The following DENND5B variants were observed in gnomAD, a reference collection of about 807,000 sequenced individuals.
The protein encoded by DENND5B is DENN domain-containing protein 5B.
In DENND5B, 34 loss-of-function variants were observed where a neutral mutation model predicts 140.6. The observed-to-expected ratio is 0.24, with a 90% CI of 0.18 to 0.32. DENND5B has a LOEUF of 0.32. DENND5B is among the 10% of genes least tolerant of loss of function. The probability of loss-of-function intolerance (pLI) is 1.00; values close to 1 mark genes in which losing one functional copy is unlikely to be tolerated. For missense variants in DENND5B, 1,142 were observed against 1,560.2 expected (o/e 0.73, Z 4.52); for synonymous variants, 551 against 562.1 (o/e 0.98, Z 0.28).
At chr12:31,394,653 A>G (rs7134365) in intron 17 of DENND5B, among the ~76,000 whole-genome samples, 86,214 of 147,882 alleles carry the variant, frequency 0.58, 25,317 homozygotes, top group East Asian at 0.82. Flanking sequence ...TCGCTCTGTC[A>G]CCCAGGCTGG....
chr12:31,493,795 C>T (rs955469343), intron 2 of DENND5B, among the ~76,000 whole-genome samples: 2 of 152,206 alleles, frequency 1.3e-5, no homozygotes, highest in African/African-American at 4.8e-5. Flanking sequence ...TGTGCCACTG[C>T]ACTCCAGCCT....
chr12:31,395,426 T>C (rs1193367490), intron 17 of DENND5B, among the ~76,000 whole-genome samples: 1 of 152,160 alleles, frequency 6.6e-6, no homozygotes, highest in Non-Finnish European at 1.5e-5. Flanking sequence ...AAACCCCGTC[T>C]CTACCCAAAA....
intron 1 of DENND5B, among the ~76,000 whole-genome samples, chr12:31,542,902 G>A (rs779812552): frequency 1.3e-5 from 2 of 152,160 alleles, no homozygotes; most frequent in Non-Finnish European, 2.9e-5. Context: ...GTTGCAGGGA[G>A]CCAAGACTGT....
chr12:31,562,869 T>C (rs1048425397), intron 1 of DENND5B, among the ~76,000 whole-genome samples: 7 of 152,082 alleles, frequency 4.6e-5, no homozygotes, highest in African/African-American at 1.7e-4. Context: ...CAAAACCAGG[T>C]GACTTGTACA....
intron 1 of DENND5B, among the ~76,000 whole-genome samples, chr12:31,510,811 A>G (rs1947381376): frequency 6.6e-6 from 1 of 152,198 alleles, no homozygotes; most frequent in South Asian, 2.1e-4. Flanking sequence ...AAAATTCCTT[A>G]ACAGCAGAAC....
At chr12:31,479,536 T>C (rs1945974044) in intron 3 of DENND5B, 53 bp downstream of exon 3, 6 of 1,418,988 alleles carry the variant, frequency 4.2e-6, no homozygotes, top group African/African-American at 2.9e-5. Flanking sequence ...AACACAGTAG[T>C]TGGGAGCAAA....
intron 1 of DENND5B, among the ~76,000 whole-genome samples, chr12:31,541,674 T>A (rs1948684397): frequency 6.6e-6 from 1 of 152,222 alleles, no homozygotes. Flanking sequence ...AGCTACCATA[T>A]GATCCAGTGA....
intron 7 of DENND5B, among the ~76,000 whole-genome samples, chr12:31,436,840 C>T (rs1326436782): frequency 6.6e-6 from 1 of 152,044 alleles, no homozygotes; most frequent in Non-Finnish European, 1.5e-5. Context: ...CGACCCAGCT[C>T]CTGCAATTTT....
intron 1 of DENND5B, among the ~76,000 whole-genome samples, chr12:31,550,724 CT>C (rs1592030343): frequency 1.3e-5 from 2 of 152,258 alleles, no homozygotes; most frequent in East Asian, 3.9e-4. Context: ...TCTCCAGCAC[CT>C]GTTGTTTCCT....
chr12:31,441,491 G>GT (rs367859536), intron 7 of DENND5B, among the ~76,000 whole-genome samples: 1,778 of 144,394 alleles, frequency 0.012, 19 homozygotes, highest in East Asian at 0.034. Flanking sequence ...CCTGGCCCAA[G>GT]TTTTTTTTTT....
chr12:31,467,115 AGAT>A (rs1349989402), intron 3 of DENND5B, among the ~76,000 whole-genome samples: 1 of 151,440 alleles, frequency 6.6e-6, no homozygotes, highest in African/African-American at 2.4e-5. Flanking sequence ...GAACTATTTA[AGAT>A]GATAGAATAT....
chr12:31,535,955 C>T (rs1272773), intron 1 of DENND5B, among the ~76,000 whole-genome samples: 124,205 of 152,108 alleles, frequency 0.82, 51,043 homozygotes, highest in African/African-American at 0.9. Context: ...TGGTCCTTGA[C>T]GAATGGTTTA....
At position 31,415,354 on chromosome 12, in the gene DENND5B, T is replaced by C. The variant is rs1441186707; in HGVS notation, c.2552+13A>G. 1 of 1,591,898 alleles carries C rather than the reference T, an allele frequency of 6.3e-7. No homozygotes were observed. The highest frequency in any genetic ancestry group is 1.7e-5 in the Admixed American group (1 of 57,422). ...TATCACCACATGCTAACACATGTAT[T>C]AATAACAAATACCTCATGTCCTGAA... On this transcript the variant is annotated intron_variant, in intron 12 of 20. Coordinates refer to ENST00000389082, the MANE Select transcript of DENND5B (RefSeq NM_144973.4).
chr12:31,487,129 A>G (rs748514450), intron 2 of DENND5B, among the ~76,000 whole-genome samples: 1 of 152,346 alleles, frequency 6.6e-6, no homozygotes. Context: ...TTCATATTTC[A>G]TATCATTGAA....
At chr12:31,520,944 A>G (rs894602876) in intron 1 of DENND5B, among the ~76,000 whole-genome samples, 1 of 152,226 alleles carries the variant, frequency 6.6e-6, no homozygotes, top group Admixed American at 6.5e-5. Context: ...TAATAAACAT[A>G]CAAAAATGTT....
intron 11 of DENND5B, among the ~76,000 whole-genome samples, chr12:31,418,545 C>T (rs1375283020): frequency 1.3e-5 from 2 of 151,054 alleles, no homozygotes; most frequent in Admixed American, 6.6e-5. Context: ...CTGCCTGCCT[C>T]GGCCTCCCAA....
At chr12:31,552,422 A>G (rs1949102733) in intron 1 of DENND5B, among the ~76,000 whole-genome samples, 1 of 152,220 alleles carries the variant, frequency 6.6e-6, no homozygotes, top group Admixed American at 6.5e-5. Flanking sequence ...CCACTTGATC[A>G]TAGTGGATAA....
chr12:31,485,954 A>T (rs1320633929), intron 2 of DENND5B, among the ~76,000 whole-genome samples: 1 of 152,204 alleles, frequency 6.6e-6, no homozygotes, highest in Non-Finnish European at 1.5e-5. Flanking sequence ...CAGACTTCAA[A>T]CCTTCCAAAC....
chr12:31,572,572 T>A (rs928603214), intron 1 of DENND5B, among the ~76,000 whole-genome samples: 11 of 149,810 alleles, frequency 7.3e-5, no homozygotes, highest in Admixed American at 6.7e-5. Context: ...TCACGAGTTA[T>A]TAACACATAG....
Sources: gnomAD v4.1 joint callset for allele counts (sites outside exome capture counted in the v4.1 genomes callset) on GRCh38, gnomAD v4.1.1 for gene constraint, MANE v1.5 for transcripts, NCBI Gene and HGNC (gene_info 2026-07-23, HGNC 2026-07-21) for gene names.